The following NFATC3 variants were observed in gnomAD, a reference collection of about 807,000 sequenced individuals.
NFATC3 encodes nuclear factor of activated T cells 3, also known as nuclear factor of activated T-cells, cytoplasmic 3.
Under a neutral mutation model 98.6 loss-of-function variants are expected in NFATC3, and 46 were observed. The observed-to-expected ratio is 0.47, with a 90% CI of 0.37 to 0.60. NFATC3 has a LOEUF of 0.60. Among genes scored for constraint, NFATC3 ranks in the 20% least tolerant of loss-of-function variants. The pLI, the probability that NFATC3 is intolerant of heterozygous loss-of-function variation, is 0.00. For synonymous variants in NFATC3, 512 were observed against 472.2 expected, an observed-to-expected ratio of 1.08 and a Z score of -1.09; for missense variants, 1,256 against 1,295.5, an observed-to-expected ratio of 0.97 and a Z score of 0.47.
chr16:68,166,829 A>G lies in NFATC3; in HGVS notation c.1602-14A>G, dbSNP rs756026753. 7 of 1,586,394 alleles carry G rather than the reference A, an allele frequency of 4.4e-6. No homozygotes were observed. Among genetic ancestry groups the G allele is most frequent in the East Asian group, 2.2e-5 (1 of 44,544 alleles). On this transcript the variant is annotated splice_polypyrimidine_tract_variant and intron_variant, in intron 4 of 9. Transcript: ENST00000346183. ...ATCAATAAACAAATTAAATTTTTGTATTTTTCTCTTTAGTATTGATTGTGC... is the reference window on the plus strand; with the variant it reads ...ATCAATAAACAAATTAAATTTTTGTGTTTTTCTCTTTAGTATTGATTGTGC...
At chr16:68,160,350 A>G (rs1011495017) in intron 4 of NFATC3, among the ~76,000 whole-genome samples, 7 of 152,052 alleles carry the variant, frequency 4.6e-5, no homozygotes, top group African/African-American at 1.7e-4. Context: ...CTGTAGTCCC[A>G]GCTGCTCAGG....
chr16:68,192,012 G>C, intron 9 of NFATC3: 1 of 459,140 alleles, frequency 2.2e-6, no homozygotes, highest in Non-Finnish European at 3.9e-6. Flanking sequence ...TTCAAGACCA[G>C]CCTGGCCAAC....
intron 9 of NFATC3, among the ~76,000 whole-genome samples, chr16:68,210,884 C>T (rs1482412786): frequency 1.3e-5 from 2 of 151,982 alleles, no homozygotes; most frequent in Non-Finnish European, 2.9e-5. Flanking sequence ...CCAGTTCAAG[C>T]GATTCTTCTG....
rs2042080473 is a variant in NFATC3, at chr16:68,228,597, T to C, written c.*2126T>C. 6.5e-6 allele frequency: 1 copy of C among 152,690 alleles called. No individual in the cohort carries two copies. Among genetic ancestry groups the C allele is most frequent in the Admixed American group, 6.5e-5 (1 of 15,290 alleles). The allele number at this position is 152,690 out of a possible 1,614,324, so 9.5% of individuals were successfully genotyped here. On this transcript the variant is annotated 3_prime_UTR_variant, in exon 10 of 10. Transcript: ENST00000346183. ...TTAAATTTTAAAATAGAGCTTTGTA[T>C]ACTATGTAAGCAGTTTTATATCAGC...
At chr16:68,162,221 A>C (rs1253346479) in intron 4 of NFATC3, among the ~76,000 whole-genome samples, 1 of 152,232 alleles carries the variant, frequency 6.6e-6, no homozygotes, top group Non-Finnish European at 1.5e-5. Context: ...AATAAGGGGC[A>C]ACTAGGATGT....
chr16:68,177,207 C>G (rs2039758724), intron 6 of NFATC3, among the ~76,000 whole-genome samples: 1 of 151,952 alleles, frequency 6.6e-6, no homozygotes, highest in Admixed American at 6.6e-5. Flanking sequence ...GCCTCCACGC[C>G]TGGCTAATTT....
intron 9 of NFATC3, among the ~76,000 whole-genome samples, chr16:68,196,687 C>T (rs1237922994): frequency 6.6e-6 from 1 of 151,364 alleles, no homozygotes; most frequent in Middle Eastern, 3.4e-3. Context: ...GAGTGAGAGA[C>T]TCCATCTCAA....
intron 3 of NFATC3, among the ~76,000 whole-genome samples, chr16:68,152,064 C>CAAAAA (rs113165246): frequency 1.2e-5 from 1 of 80,324 alleles, no homozygotes; most frequent in African/African-American, 3.8e-5. Flanking sequence ...GGCTCCGTTT[C>CAAAAA]AAAAAAAAAA....
At chr16:68,159,088 C>T (rs1359799890) in intron 4 of NFATC3, among the ~76,000 whole-genome samples, 1 of 152,118 alleles carries the variant, frequency 6.6e-6, no homozygotes, top group Non-Finnish European at 1.5e-5. Context: ...AGAAATTAGC[C>T]GAGTGCGGTT....
chr16:68,212,503 T>C (rs1269787738), intron 9 of NFATC3: 2 of 152,186 alleles, frequency 1.3e-5, no homozygotes, highest in East Asian at 1.9e-4. Context: ...TTGTTGTTGT[T>C]TGAGTCGGAG....
chr16:68,131,848 T>C (rs2037129280), intron 3 of NFATC3, among the ~76,000 whole-genome samples: 1 of 152,082 alleles, frequency 6.6e-6, no homozygotes, highest in Non-Finnish European at 1.5e-5. Flanking sequence ...TGCCTTTCTC[T>C]CTCTCTCTGA....
chr16:68,088,852 A>C (rs2034548529), intron 1 of NFATC3: 1 of 357,106 alleles, frequency 2.8e-6, no homozygotes. Flanking sequence ...ATATTTTTAA[A>C]TAGAGATGGA....
At chr16:68,204,925 A>G (rs978733162) in intron 9 of NFATC3, among the ~76,000 whole-genome samples, 1 of 151,912 alleles carries the variant, frequency 6.6e-6, no homozygotes, top group African/African-American at 2.4e-5. Flanking sequence ...CTTGCTAACA[A>G]TCATAGCTTT....
Position 68,174,427 on chromosome 16 carries a change from T to C in NFATC3, c.1828T>C (p.Cys610Arg). The change falls in exon 6 of 10, where the codon TGT becomes CGT. Residue 610 changes from cysteine (C) to arginine (R), a missense_variant. By Grantham distance (180) the Cys-to-Arg change is radical. This residue lies in a region of NFATC3 where 636 missense variants were observed against 617.3 expected (regional missense o/e 1.03). Transcript: ENST00000346183. ...PHIEKYSINS[C>R]SVNGGHEMVV... is the part of the protein sequence containing the mutation. Reference sequence around the variant, plus strand: ...TATTGAGAAGTACAGTATCAACAGTTGTTCTGTAAATGGAGGTCATGAAAT... The same window carrying C: ...TATTGAGAAGTACAGTATCAACAGTCGTTCTGTAAATGGAGGTCATGAAAT... The C allele has an allele frequency of 6.2e-7, 1 of 1,604,550 alleles. No homozygotes were observed.
At chr16:68,212,780 T>C (rs552652873) in intron 9 of NFATC3, 1 of 149,200 alleles carries the variant, frequency 6.7e-6, no homozygotes, top group African/African-American at 2.5e-5. Flanking sequence ...GTTCTATTTC[T>C]TTCTCTTTTT....
intron 1 of NFATC3, among the ~76,000 whole-genome samples, chr16:68,110,780 T>C (rs1324597709): frequency 6.6e-6 from 1 of 152,234 alleles, no homozygotes; most frequent in African/African-American, 2.4e-5. Context: ...GGCTTTTTGA[T>C]GTGGGCATTT....
At chr16:68,095,347 ATTTTTTTTTTT>A in intron 1 of NFATC3, among the ~76,000 whole-genome samples, 1 of 103,814 alleles carries the variant, frequency 9.6e-6, no homozygotes, top group South Asian at 3.1e-4. Context: ...TGCCCAGCTA[ATTTTTTTTTTT>A]TTTTTTTTTT....
intron 3 of NFATC3, chr16:68,138,380 C>A: frequency 1.6e-6 from 1 of 630,322 alleles, no homozygotes; most frequent in Non-Finnish European, 2.3e-6. Flanking sequence ...TATTATAGTT[C>A]AAGCTCTCCT....
intron 1 of NFATC3, among the ~76,000 whole-genome samples, chr16:68,101,333 A>G (rs1383402470): frequency 6.6e-6 from 1 of 151,996 alleles, no homozygotes; most frequent in Non-Finnish European, 1.5e-5. Context: ...TCGTAGAGAT[A>G]TGGTTTCACT....
Sources: allele counts gnomAD v4.1 joint callset (sites outside exome capture counted in the v4.1 genomes callset), GRCh38; gene constraint gnomAD v4.1.1; regional missense constraint gnomAD v4.1.1; transcripts MANE v1.5; gene names NCBI Gene and HGNC (gene_info 2026-07-23, HGNC 2026-07-21).